CADPS: variants seen among roughly 807,000 people sequenced by gnomAD.
CADPS encodes calcium-dependent secretion activator 1.
A neutral mutation model predicts 167.3 loss-of-function variants in CADPS; 57 were observed. The ratio of observed to expected loss-of-function variants is 0.34; its 90% CI spans 0.28 to 0.42. The LOEUF is 0.42. CADPS is among the 20% of genes least tolerant of loss of function. The pLI is 1.00. For synonymous variants in CADPS, 676 were observed against 635.3 expected (o/e 1.06, Z -0.96); for missense variants, 1,414 against 1,738.1 (o/e 0.81, Z 3.32).
At chr3:62,698,517 G>A (rs2080771351) in intron 3 of CADPS, among the ~76,000 whole-genome samples, 1 of 152,010 alleles carries the variant, frequency 6.6e-6, no homozygotes, top group Non-Finnish European at 1.5e-5. Context: ...AGCTGGTCCA[G>A]GCACACCAAT....
chr3:62,827,348 C>A (rs999060080), intron 1 of CADPS, among the ~76,000 whole-genome samples: 4 of 152,160 alleles, frequency 2.6e-5, no homozygotes, highest in Non-Finnish European at 5.9e-5. Flanking sequence ...GGGGGATGAA[C>A]AAGATGAAAG....
rs947318659 is a variant in CADPS at position 62,753,327 on chromosome 3, G to T, written c.888+114C>A. 1 of 737,902 alleles carries T rather than the reference G, an allele frequency of 1.4e-6. No individual in the cohort carries two copies. The highest frequency in any genetic ancestry group is 2.2e-6 in the Non-Finnish European group (1 of 456,610). 45.7% of individuals were successfully genotyped at this position (737,902 alleles called of 1,614,324 possible). A position where few individuals can be genotyped will look rare whatever the true frequency, so the allele number is the denominator to read the frequency against. Reference sequence around the variant, plus strand: ...CTGTATTCAACTTTTTACCAGTAGAGTAATAAAATATAAGTTTTAATCCTT... The same window carrying T: ...CTGTATTCAACTTTTTACCAGTAGATTAATAAAATATAAGTTTTAATCCTT... On this transcript the variant is annotated intron_variant, in intron 3 of 29. Transcript: ENST00000383710. The surrounding 1 kb of genome is among the most constrained non-coding windows in gnomAD (Gnocchi z 4.6).
In CADPS at chr3:62,491,409, C is replaced by T; in HGVS notation, c.2956G>A (p.Asp986Asn). The change falls in exon 21 of 30, where the codon GAT (aspartate) becomes AAT (asparagine). Residue 986 changes from aspartate to asparagine, a missense_variant. Asp to Asn is a conservative substitution (Grantham distance 23). Transcript: ENST00000383710. ...TGTGCAATTGAGGACTCCATCAGAT[C>T]CACATATCTAACAACAAGTGGGGCA... Reference protein sequence around the residue: ...LFAPLVVRYVDLMESSIAQSI... With the variant: ...LFAPLVVRYVNLMESSIAQSI... 6.2e-7 allele frequency: 1 copy of T among 1,614,116 alleles called. No individual in the cohort carries two copies. The highest frequency in any genetic ancestry group is 8.5e-7 in the Non-Finnish European group (1 of 1,179,992).
intron 6 of CADPS, among the ~76,000 whole-genome samples, chr3:62,640,003 T>C (rs1328335606): frequency 1.3e-5 from 2 of 152,188 alleles, no homozygotes; most frequent in East Asian, 1.9e-4. Context: ...TATATATTCA[T>C]TTGTTCATTT....
At chr3:62,790,362 C>T (rs939216538) in intron 1 of CADPS, among the ~76,000 whole-genome samples, 1 of 152,078 alleles carries the variant, frequency 6.6e-6, no homozygotes, top group Non-Finnish European at 1.5e-5. Context: ...AGAGAAATTA[C>T]TTTATAAATA....
At chr3:62,528,170 C>T (rs1027636918) in intron 13 of CADPS, among the ~76,000 whole-genome samples, 2 of 152,188 alleles carry the variant, frequency 1.3e-5, no homozygotes, top group Admixed American at 1.3e-4. Context: ...TTTGCCATCT[C>T]ACACCATATA....
At chr3:62,688,635 T>C (rs1294953664) in intron 3 of CADPS, among the ~76,000 whole-genome samples, 1 of 152,116 alleles carries the variant, frequency 6.6e-6, no homozygotes, top group Non-Finnish European at 1.5e-5. Context: ...ATTTTATTCT[T>C]GCTCTTGCCA....
At chr3:62,462,659 A>G (rs1396553226) in intron 26 of CADPS, among the ~76,000 whole-genome samples, 1 of 152,222 alleles carries the variant, frequency 6.6e-6, no homozygotes, top group Non-Finnish European at 1.5e-5. Context: ...AACTCATGCC[A>G]GAGCGTCGGC....
At chr3:62,491,558 AAC>A (rs35911391) in intron 20 of CADPS, 78 bp from the exon 21 acceptor site, 21,482 of 521,794 alleles carry the variant, frequency 0.041, 176 homozygotes, top group Non-Finnish European at 0.054. Context: ...CACACACACA[AAC>A]ACACACACAC....
intron 28 of CADPS, among the ~76,000 whole-genome samples, chr3:62,429,549 C>T (rs911919281): frequency 4.6e-5 from 7 of 152,180 alleles, no homozygotes; most frequent in Non-Finnish European, 1.0e-4. Context: ...TAACACAGCT[C>T]GTCTCCTGCA....
At chr3:62,486,317 C>T (rs2062807799) in intron 21 of CADPS, among the ~76,000 whole-genome samples, 1 of 151,796 alleles carries the variant, frequency 6.6e-6, no homozygotes, top group Admixed American at 6.6e-5. Flanking sequence ...TGGTGGCAGG[C>T]ACCTGTAGTC....
chr3:62,547,862 C>A (rs933253205), intron 11 of CADPS, among the ~76,000 whole-genome samples: 1 of 151,998 alleles, frequency 6.6e-6, no homozygotes, highest in East Asian at 1.9e-4. Flanking sequence ...TAATCGATTT[C>A]TTGTCTCTAA....
intron 18 of CADPS, among the ~76,000 whole-genome samples, 197 bp from the exon 19 acceptor site, chr3:62,493,862 T>C (rs1350279622): frequency 2.0e-5 from 3 of 152,210 alleles, no homozygotes; most frequent in Non-Finnish European, 4.4e-5. Context: ...GAGGTATCCT[T>C]TTACTGTTTT....
In CADPS at chr3:62,438,021, T is replaced by A; in HGVS notation, c.3777+83A>T. 1.1e-6 allele frequency: 1 copy of A among 880,888 alleles called. No homozygotes were observed. The highest frequency in any genetic ancestry group is 1.8e-6 in the Non-Finnish European group (1 of 542,490). 54.6% of individuals were successfully genotyped at this position (880,888 alleles called of 1,614,324 possible). On this transcript the variant is annotated intron_variant, in intron 28 of 29. Coordinates refer to ENST00000383710, the MANE Select transcript of CADPS (RefSeq NM_003716.4). The surrounding 1 kb of genome is among the most constrained non-coding windows in gnomAD (Gnocchi z 4.7). Reference sequence around the variant, plus strand: ...AGAACCAATCCATTTTCTCAAAATGTGACTTATCCTCCTGTCTCTTATTTT... The same window carrying A: ...AGAACCAATCCATTTTCTCAAAATGAGACTTATCCTCCTGTCTCTTATTTT...
intron 4 of CADPS, among the ~76,000 whole-genome samples, chr3:62,653,983 T>C (rs573820702): frequency 1.3e-5 from 2 of 152,006 alleles, no homozygotes; most frequent in African/African-American, 4.8e-5. Context: ...TGAAATGAGA[T>C]GACAGGCTGA....
At chr3:62,726,686 A>T (rs1185351594) in intron 3 of CADPS, among the ~76,000 whole-genome samples, 1 of 151,978 alleles carries the variant, frequency 6.6e-6, no homozygotes, top group Non-Finnish European at 1.5e-5. Flanking sequence ...TCAATTGCTA[A>T]TAATAATAAA....
intron 6 of CADPS, among the ~76,000 whole-genome samples, chr3:62,634,586 T>C (rs916553510): frequency 2.0e-5 from 3 of 152,212 alleles, no homozygotes; most frequent in African/African-American, 7.2e-5. Context: ...TGATTATCTA[T>C]GTGTTTCCAA....
rs201324385 is a variant in CADPS, at chr3:62,698,731, C to CTTTTTTTT, written c.889-36345_889-36338dup. On this transcript the variant is annotated intron_variant, in intron 3 of 29. Transcript: ENST00000383710. ...TCTCCTTTCCTTTCCTCCCCACTTC[C>CTTTTTTTT]TTTTTTTTTTTTTTTTTTTTTTTTT... Among the ~76,000 whole-genome samples the CTTTTTTTT allele has an allele frequency of 3.1e-4, 21 of 67,240 alleles. 6 individuals carry two copies. The highest frequency in any genetic ancestry group is 1.1e-3 in the African/African-American group (19 of 16,668). The allele number at this position is 67,240 out of a possible 152,430, so 44.1% of individuals were successfully genotyped here. A position where few individuals can be genotyped will look rare whatever the true frequency, so the allele number is the denominator to read the frequency against.
chr3:62,785,106 A>ACTTCACTC (rs531495741), intron 1 of CADPS, among the ~76,000 whole-genome samples: 1,601 of 152,314 alleles, frequency 0.011, 32 homozygotes, highest in African/African-American at 0.036. Flanking sequence ...CATGAAAGAG[A>ACTTCACTC]TTAACCATGA....
Sources: allele counts gnomAD v4.1 joint callset (sites outside exome capture counted in the v4.1 genomes callset), GRCh38; gene constraint gnomAD v4.1.1; non-coding constraint Gnocchi (gnomAD v3.1); transcripts MANE v1.5; gene names NCBI Gene and HGNC (gene_info 2026-07-23, HGNC 2026-07-21).